Variants in FABP12 observed in about 807,000 individuals in gnomAD.
FABP12 encodes fatty acid binding protein 12, also known as fatty acid-binding protein 12.
In FABP12, 19 loss-of-function variants were observed where a neutral mutation model predicts 13.7. The ratio of observed to expected loss-of-function variants is 1.39; its 90% CI spans 0.97 to 2.04. The LOEUF is 2.04. FABP12 is among the 30% of genes most tolerant of loss of function. The probability of loss-of-function intolerance (pLI) is 0.00; values close to 1 mark genes in which losing one functional copy is unlikely to be tolerated. For synonymous variants in FABP12, 61 were observed against 57.0 expected (o/e 1.07, Z -0.32); for missense variants, 182 against 164.2 (o/e 1.11, Z -0.59).
chr8:81,583,620 A>G (rs1593715), intron 1 of FABP12, among the ~76,000 whole-genome samples: 144,839 of 152,180 alleles, frequency 0.95, 68,974 homozygotes, highest in East Asian at 1. Flanking sequence ...CCGGACACAT[A>G]CAACCTACCA....
intron 1 of FABP12, among the ~76,000 whole-genome samples, chr8:81,578,051 T>C (rs1413666212): frequency 6.6e-6 from 1 of 152,326 alleles, no homozygotes; most frequent in East Asian, 1.9e-4. Context: ...ATTCTGACTA[T>C]ATTAGTTTGG....
chr8:81,587,850 C>T (rs1810265443), intron 1 of FABP12, among the ~76,000 whole-genome samples: 1 of 151,926 alleles, frequency 6.6e-6, no homozygotes, highest in Non-Finnish European at 1.5e-5. Context: ...CCACAATAGG[C>T]CATCTATAAG....
At chr8:81,567,373 C>A (rs1809842882) in intron 1 of FABP12, among the ~76,000 whole-genome samples, 1 of 152,132 alleles carries the variant, frequency 6.6e-6, no homozygotes, top group South Asian at 2.1e-4. Flanking sequence ...GCAAAAAGAA[C>A]AAAACTGAAG....
In FABP12 at chr8:81,563,225, A is replaced by G. The variant is rs10093775; in HGVS notation, c.-184-23482T>C. Among the ~76,000 whole-genome samples the G allele has an allele frequency of 6.3e-3, 955 of 152,330 alleles. 15 individuals carry two copies. Among genetic ancestry groups the G allele is most frequent in the African/African-American group, 0.022 (906 of 41,576 alleles). On this transcript the variant is annotated intron_variant, in intron 1 of 5. Coordinates refer to the FABP12 transcript ENST00000692030. ...TAGCCACAGCATTACTGGGCTTGTG[A>G]TACCCCTAAACAGATACAGCTACAG...
exon 4 of FABP12, chr8:81,527,082 G>T: frequency 6.2e-7 from 1 of 1,611,950 alleles, no homozygotes; most frequent in South Asian, 1.1e-5. Flanking sequence ...TCCCAGTCCT[G>T]AACTTGAATC....
intron 1 of FABP12, among the ~76,000 whole-genome samples, chr8:81,588,174 A>G (rs1236260731): frequency 6.6e-6 from 1 of 152,180 alleles, no homozygotes; most frequent in Non-Finnish European, 1.5e-5. Context: ...ACACTCTCAC[A>G]GACACACCCA....
intron 1 of FABP12, among the ~76,000 whole-genome samples, chr8:81,567,234 A>T (rs1367830301): frequency 6.6e-6 from 1 of 152,208 alleles, no homozygotes; most frequent in Non-Finnish European, 1.5e-5. Flanking sequence ...TACTAAAAGT[A>T]ATCAAAGCAT....
chr8:81,586,112 G>A (rs969539911), intron 1 of FABP12, among the ~76,000 whole-genome samples: 1 of 152,052 alleles, frequency 6.6e-6, no homozygotes, highest in Admixed American at 6.6e-5. Context: ...TTCTATTCCT[G>A]TGTTAATTCT....
At chr8:81,549,507 T>C (rs1458623843) in intron 1 of FABP12, among the ~76,000 whole-genome samples, 1 of 152,204 alleles carries the variant, frequency 6.6e-6, no homozygotes, top group Non-Finnish European at 1.5e-5. Context: ...GTTCTTTTCT[T>C]GTTAAAACTG....
intron 4 of FABP12, chr8:81,526,663 T>C (rs946453101): frequency 1.2e-5 from 2 of 168,676 alleles, no homozygotes; most frequent in African/African-American, 4.8e-5. Flanking sequence ...ATGTTTTTGT[T>C]TGGTGTTGAG....
Position 81,554,901 on chromosome 8 carries a change from G to A in FABP12, c.-184-15158C>T, listed in dbSNP as rs993109929. Among the ~76,000 whole-genome samples, 7 of 152,226 alleles carry A rather than the reference G, an allele frequency of 4.6e-5. No individual in the cohort carries two copies. In the East Asian group the frequency reaches 1.4e-3, roughly 29 times the overall value. ...TCAAAGCCATGCTAGGTCGTGTGTG[G>A]CCCAGGTGGGCCACAGGTTGAACAA... On this transcript the variant is annotated intron_variant, in intron 1 of 5. Coordinates refer to the FABP12 transcript ENST00000692030.
chr8:81,563,437 A>ACCTC (rs1476001450), intron 1 of FABP12, among the ~76,000 whole-genome samples: 1 of 152,226 alleles, frequency 6.6e-6, no homozygotes, highest in Non-Finnish European at 1.5e-5. Context: ...TCACCAAATG[A>ACCTC]ACTAAATAAG....
At chr8:81,546,543 G>A (rs1020274510) in intron 1 of FABP12, among the ~76,000 whole-genome samples, 1 of 151,662 alleles carries the variant, frequency 6.6e-6, no homozygotes, top group Non-Finnish European at 1.5e-5. Context: ...GGCGCCTATA[G>A]TTCCAGCTAC....
intron 1 of FABP12, among the ~76,000 whole-genome samples, chr8:81,562,528 C>T (rs1809742235): frequency 6.6e-6 from 1 of 152,138 alleles, no homozygotes; most frequent in Admixed American, 6.5e-5. Context: ...TGCCCTGGAC[C>T]AGTCAGGAGC....
At chr8:81,549,097 A>G (rs1441758611) in intron 1 of FABP12, among the ~76,000 whole-genome samples, 2 of 152,136 alleles carry the variant, frequency 1.3e-5, no homozygotes, top group East Asian at 3.9e-4. Context: ...TGTAGGACTC[A>G]GACTACAATT....
chr8:81,573,819 T>C (rs1270356564), intron 1 of FABP12, among the ~76,000 whole-genome samples: 1 of 152,194 alleles, frequency 6.6e-6, no homozygotes, highest in East Asian at 1.9e-4. Flanking sequence ...CCGGAAACTT[T>C]GCTGAATTCT....
At chr8:81,525,529 A>AGATAG (rs1554576046) in intron 4 of FABP12, among the ~76,000 whole-genome samples, 5 of 149,976 alleles carry the variant, frequency 3.3e-5, no homozygotes, top group African/African-American at 1.3e-4. Context: ...AAAAAAAAAA[A>AGATAG]ATAGATAGAT....
chr8:81,555,003 G>A (rs1452003312), intron 1 of FABP12, among the ~76,000 whole-genome samples: 2 of 151,892 alleles, frequency 1.3e-5, no homozygotes, highest in Non-Finnish European at 2.9e-5. Context: ...ATGAGGTCAG[G>A]GCACACACTT....
At chr8:81,533,273 G>T (rs941353710) in intron 1 of FABP12, 1 of 152,188 alleles carries the variant, frequency 6.6e-6, no homozygotes, top group African/African-American at 2.4e-5. Context: ...TAGTCATTTT[G>T]TCTACTCTGT....
Sources: gnomAD v4.1 joint callset for allele counts (sites outside exome capture counted in the v4.1 genomes callset) on GRCh38, gnomAD v4.1.1 for gene constraint, MANE v1.5 for transcripts, NCBI Gene and HGNC (gene_info 2026-07-23, HGNC 2026-07-21) for gene names.